The following CNTNAP2 variants were observed in gnomAD, a reference collection of about 807,000 sequenced individuals.
CNTNAP2 encodes the protein contactin associated protein 2, also known as contactin-associated protein-like 2.
A neutral mutation model predicts 155.2 loss-of-function variants in CNTNAP2; 98 were observed. The ratio of observed to expected loss-of-function variants is 0.63; its 90% CI spans 0.54 to 0.75. CNTNAP2 has a LOEUF of 0.75. Among genes scored for constraint, CNTNAP2 ranks in the 30% least tolerant of loss-of-function variants. The pLI is 0.00. For missense variants in CNTNAP2, 1,727 were observed against 1,688.1 expected (o/e 1.02, Z -0.40); for synonymous variants, 651 against 631.2 (o/e 1.03, Z -0.47).
At chr7:147,389,760 T>C (rs1200427140) in intron 9 of CNTNAP2, among the ~76,000 whole-genome samples, 3 of 152,244 alleles carry the variant, frequency 2.0e-5, no homozygotes, top group Non-Finnish European at 4.4e-5. Flanking sequence ...TTTTAACACA[T>C]TGTCAGATTG....
At chr7:146,443,230 TAATAAATAAATA>T (rs540097334) in intron 1 of CNTNAP2, among the ~76,000 whole-genome samples, 19 of 147,772 alleles carry the variant, frequency 1.3e-4, no homozygotes, top group South Asian at 6.3e-4. Context: ...AATAAATAAA[TAATAAATAAATA>T]AATAAATAAA....
chr7:147,326,721 T>G (rs2116832351), intron 9 of CNTNAP2, among the ~76,000 whole-genome samples: 1 of 152,312 alleles, frequency 6.6e-6, no homozygotes, highest in South Asian at 2.1e-4. Context: ...TTGTTTTGCT[T>G]TTGTGGTAAC....
At chr7:146,155,685 CATTATTATTATTATTATT>C (rs58328058) in intron 1 of CNTNAP2, among the ~76,000 whole-genome samples, 2,786 of 146,756 alleles carry the variant, frequency 0.019, 82 homozygotes, top group African/African-American at 0.064. Context: ...AAAACAATAT[CATTATTATTATTATTATT>C]ATTATTATTA....
intron 8 of CNTNAP2, among the ~76,000 whole-genome samples, chr7:147,257,592 C>T (rs1054123176): frequency 3.3e-5 from 5 of 152,324 alleles, no homozygotes; most frequent in South Asian, 2.1e-4. Context: ...TCCAAAACTA[C>T]GGTACCGCCA....
chr7:147,288,463 C>A (rs923906062), intron 8 of CNTNAP2, among the ~76,000 whole-genome samples: 1 of 152,152 alleles, frequency 6.6e-6, no homozygotes, highest in Admixed American at 6.6e-5. Context: ...CTGGTGGGAG[C>A]AAATTTACAC....
At chr7:146,621,121 A>G (rs1399230338) in intron 1 of CNTNAP2, among the ~76,000 whole-genome samples, 1 of 152,168 alleles carries the variant, frequency 6.6e-6, no homozygotes, top group Non-Finnish European at 1.5e-5. Context: ...AGGCATAGTG[A>G]TAAGGAACCG....
intron 1 of CNTNAP2, among the ~76,000 whole-genome samples, chr7:146,646,310 A>C (rs1267917372): frequency 6.6e-6 from 1 of 152,120 alleles, no homozygotes; most frequent in Non-Finnish European, 1.5e-5. Context: ...ATATATGTGA[A>C]TGCTCACTAG....
chr7:146,433,991 CT>C (rs936271987), intron 1 of CNTNAP2, among the ~76,000 whole-genome samples: 3 of 152,158 alleles, frequency 2.0e-5, no homozygotes, highest in Admixed American at 2.0e-4. Flanking sequence ...TATTACAGTT[CT>C]TTACTTTCTT....
At position 148,243,923 on chromosome 7, in the gene CNTNAP2, G is replaced by A. The variant is rs538732189; in HGVS notation, c.3381+14144G>A. Among the ~76,000 whole-genome samples, 7 of 152,304 alleles carry A rather than the reference G, an allele frequency of 4.6e-5. No individual in the cohort carries two copies. In the South Asian group the frequency reaches 1.0e-3, roughly 23 times the overall value. On this transcript the variant is annotated intron_variant, in intron 20 of 23. Transcript: ENST00000361727. ...TTTTACAGAGGTTTTATGAGACTGC[G>A]CCAGCACAGTATTTTAGCCCACTGT...
intron 13 of CNTNAP2, among the ~76,000 whole-genome samples, chr7:147,823,720 TA>T (rs35815165): frequency 0.062 from 9,205 of 147,568 alleles, 315 homozygotes; most frequent in African/African-American, 0.091. Context: ...AGCAAGGGCT[TA>T]AAAAAAAAAA....
At chr7:147,003,488 T>A (rs1005969711) in intron 3 of CNTNAP2, among the ~76,000 whole-genome samples, 1 of 151,928 alleles carries the variant, frequency 6.6e-6, no homozygotes, top group Non-Finnish European at 1.5e-5. Context: ...AAAGGCAGGA[T>A]AACTAAACTG....
At chr7:146,761,248 G>T (rs142359283) in intron 1 of CNTNAP2, among the ~76,000 whole-genome samples, 1 of 151,350 alleles carries the variant, frequency 6.6e-6, no homozygotes, top group Non-Finnish European at 1.5e-5. Flanking sequence ...AAGTTAATAC[G>T]CAGATGAATG....
At chr7:146,996,724 G>A (rs1014573461) in intron 3 of CNTNAP2, among the ~76,000 whole-genome samples, 3 of 151,928 alleles carry the variant, frequency 2.0e-5, no homozygotes, top group Non-Finnish European at 4.4e-5. Context: ...TAATTGTTCT[G>A]GCTAGGACTT....
At chr7:148,066,911 T>C (rs963601661) in intron 15 of CNTNAP2, among the ~76,000 whole-genome samples, 2 of 152,162 alleles carry the variant, frequency 1.3e-5, no homozygotes, top group African/African-American at 4.8e-5. Context: ...TCCAGCGTAT[T>C]TTTCATTTCT....
At chr7:146,442,287 A>G (rs1352278640) in intron 1 of CNTNAP2, among the ~76,000 whole-genome samples, 1 of 151,616 alleles carries the variant, frequency 6.6e-6, no homozygotes, top group East Asian at 1.9e-4. Context: ...TGTTTCGGGA[A>G]GTCTTTTGAA....
intron 3 of CNTNAP2, among the ~76,000 whole-genome samples, chr7:146,924,124 GC>G (rs1563003928): frequency 6.6e-6 from 1 of 152,062 alleles, no homozygotes; most frequent in East Asian, 1.9e-4. Context: ...TGACATCCCT[GC>G]CATGTTCTGT....
At chr7:148,315,255 C>T (rs1236355080) in intron 21 of CNTNAP2, among the ~76,000 whole-genome samples, 1 of 152,130 alleles carries the variant, frequency 6.6e-6, no homozygotes, top group Non-Finnish European at 1.5e-5. Context: ...GTGTGAGCAA[C>T]AAGGCTGTTT....
intron 2 of CNTNAP2, among the ~76,000 whole-genome samples, chr7:146,822,696 A>T (rs1585107594): frequency 7.0e-6 from 1 of 142,958 alleles, no homozygotes; most frequent in African/African-American, 2.5e-5. Flanking sequence ...TTTATATATA[A>T]ATATTCTTAA....
At chr7:146,641,755 G>A (rs1799711945) in intron 1 of CNTNAP2, among the ~76,000 whole-genome samples, 2 of 152,282 alleles carry the variant, frequency 1.3e-5, no homozygotes, top group African/African-American at 4.8e-5. Context: ...TGACATTTTT[G>A]TCACTGCAGA....
Sources: gnomAD v4.1 joint callset for allele counts (sites outside exome capture counted in the v4.1 genomes callset) on GRCh38, gnomAD v4.1.1 for gene constraint, MANE v1.5 for transcripts, NCBI Gene and HGNC (gene_info 2026-07-23, HGNC 2026-07-21) for gene names.